The following ORC4 variants were observed in gnomAD, a reference collection of about 807,000 sequenced individuals.
ORC4 encodes the protein origin recognition complex, subunit 4 homolog.
Under a neutral mutation model 63.9 loss-of-function variants are expected in ORC4, and 55 were observed. That is an observed-to-expected ratio of 0.86 (90% CI 0.69 to 1.08). The LOEUF (loss-of-function observed/expected upper bound fraction) is 1.08. Among genes scored for constraint, ORC4 ranks in the 50% least tolerant of loss-of-function variants. ORC4 has a pLI of 0.00. For synonymous variants in ORC4, 150 were observed against 168.5 expected, an observed-to-expected ratio of 0.89 and a Z score of 0.85; for missense variants, 511 against 504.4, an observed-to-expected ratio of 1.01 and a Z score of -0.13.
chr2:147,964,502 GAAAAGGTGAGA>G (rs903674136), intron 4 of ORC4, among the ~76,000 whole-genome samples: 36 of 152,192 alleles, frequency 2.4e-4, no homozygotes, highest in Admixed American at 3.9e-4. Flanking sequence ...AGAAAAGAAG[GAAAAGGTGAGA>G]AAAACATATT....
intron 4 of ORC4, among the ~76,000 whole-genome samples, chr2:147,964,161 T>C (rs1558846676): frequency 6.6e-6 from 1 of 151,912 alleles, no homozygotes. Flanking sequence ...AAAATAATAA[T>C]CTTGACAACA....
At chr2:147,960,203 G>A in intron 4 of ORC4, 1 of 954,370 alleles carries the variant, frequency 1.0e-6, no homozygotes, top group Non-Finnish European at 1.2e-6. Context: ...CATAAGGAGA[G>A]TTGTAACAGA....
At chr2:148,017,434 G>T (rs1335358202) in intron 1 of ORC4, among the ~76,000 whole-genome samples, 1 of 152,218 alleles carries the variant, frequency 6.6e-6, no homozygotes, top group African/African-American at 2.4e-5. Flanking sequence ...CACTTTGGAA[G>T]CCCAAGGTGG....
At chr2:147,943,349 G>A (rs761259004) in intron 10 of ORC4, 87 bp downstream of exon 10, 16 of 865,984 alleles carry the variant, frequency 1.8e-5, no homozygotes, top group African/African-American at 1.5e-4. Flanking sequence ...CCAGGAGTTC[G>A]CAACCAGTCT....
chr2:147,994,046 C>A (rs1220762263), intron 1 of ORC4, among the ~76,000 whole-genome samples: 2 of 152,116 alleles, frequency 1.3e-5, no homozygotes, highest in African/African-American at 4.8e-5. Context: ...TTGTCAACTT[C>A]CTTCCTATGT....
chr2:147,961,844 T>A (rs547215051), intron 4 of ORC4, among the ~76,000 whole-genome samples: 1 of 152,194 alleles, frequency 6.6e-6, no homozygotes. Flanking sequence ...TTTCAGTACA[T>A]TGATTAAACC....
intron 1 of ORC4, among the ~76,000 whole-genome samples, chr2:147,995,025 C>A (rs1312046443): frequency 6.6e-6 from 1 of 152,070 alleles, no homozygotes; most frequent in Non-Finnish European, 1.5e-5. Flanking sequence ...AATAAAAAAA[C>A]GCACCACTCA....
At chr2:148,019,325 C>T (rs1693521844) in intron 1 of ORC4, among the ~76,000 whole-genome samples, 1 of 152,224 alleles carries the variant, frequency 6.6e-6, no homozygotes, top group Non-Finnish European at 1.5e-5. Context: ...CGCGGTGGCT[C>T]ACGCCTGTAA....
chr2:147,969,953 T>TA (rs575190067), intron 4 of ORC4, among the ~76,000 whole-genome samples: 2 of 151,722 alleles, frequency 1.3e-5, no homozygotes, highest in Admixed American at 1.3e-4. Flanking sequence ...ACTGTCTAAG[T>TA]AAAAAAATCT....
At chr2:148,013,752 T>A (rs555917214) in intron 1 of ORC4, among the ~76,000 whole-genome samples, 1 of 152,234 alleles carries the variant, frequency 6.6e-6, no homozygotes, top group Admixed American at 6.5e-5. Flanking sequence ...GTTAAAAAAA[T>A]TTTGGCTCAA....
chr2:148,000,655 C>T lies in ORC4; in HGVS notation c.-18+19978G>A, dbSNP rs1692244793. Among the ~76,000 whole-genome samples, 2 of 152,116 alleles carry T rather than the reference C, an allele frequency of 1.3e-5. 1 individual carries two copies. The highest frequency in any genetic ancestry group is 4.1e-4 in the South Asian group (2 of 4,832). On this transcript the variant is annotated intron_variant, in intron 1 of 13. Coordinates refer to ENST00000392857, the MANE Select transcript of ORC4 (RefSeq NM_181741.4). The stretch of plus-strand genomic sequence containing the variant: ...GAGACTGCACCAGCAGCAACTATAT[C>T]AAGCAATGGGCTAAAACTGCAGCAC...
chr2:147,945,387 C>T (rs1688602545), intron 9 of ORC4, among the ~76,000 whole-genome samples: 1 of 151,992 alleles, frequency 6.6e-6, no homozygotes, highest in Admixed American at 6.6e-5. Flanking sequence ...TTTAAAATGC[C>T]TACCTTATCT....
At chr2:147,956,214 T>C (rs1361673690) in intron 6 of ORC4, among the ~76,000 whole-genome samples, 1 of 152,078 alleles carries the variant, frequency 6.6e-6, no homozygotes, top group Admixed American at 6.6e-5. Flanking sequence ...TTGAGAGATC[T>C]AACATAAAAA....
chr2:147,961,119 T>C (rs537851100), intron 4 of ORC4, among the ~76,000 whole-genome samples: 1 of 152,116 alleles, frequency 6.6e-6, no homozygotes, highest in African/African-American at 2.4e-5. Flanking sequence ...ACTACAGTCT[T>C]ATGTTTTAAA....
intron 1 of ORC4, among the ~76,000 whole-genome samples, chr2:147,991,050 C>CT (rs34841947): frequency 0.26 from 34,182 of 133,972 alleles, 4,773 homozygotes; most frequent in African/African-American, 0.35. Context: ...ACATATATAT[C>CT]TTTTTTTTTT....
At position 147,972,762 on chromosome 2, in the gene ORC4, G is replaced by T. The variant is rs766148321; in HGVS notation, c.202C>A (p.Pro68Thr). 10 of 1,609,302 alleles carry T rather than the reference G, an allele frequency of 6.2e-6. 1 individual carries two copies. The South Asian group carries it at 8.8e-5, about 14-fold the overall frequency. Residue 68 changes from proline (P) to threonine (T), a missense_variant, in exon 4 of 14, where the codon CCC becomes ACC. Pro to Thr is a conservative substitution (Grantham distance 38). Transcript: ENST00000392857. ...ACCATAGTTTTTCCTGATCCTCGGGGTCCGATAATAAGGACAGAGTTACTC... is the reference window on the plus strand; with the variant it reads ...ACCATAGTTTTTCCTGATCCTCGGGTTCCGATAATAAGGACAGAGTTACTC... ...GESNSVLIIG[P>T]RGSGKTMLIN...
intron 1 of ORC4, among the ~76,000 whole-genome samples, chr2:148,011,015 G>C (rs984748234): frequency 2.6e-5 from 4 of 151,932 alleles, no homozygotes; most frequent in Non-Finnish European, 5.9e-5. Flanking sequence ...TTTTTGTAGA[G>C]ATGGGGTTTC....
intron 1 of ORC4, among the ~76,000 whole-genome samples, chr2:148,004,848 A>T (rs1414089143): frequency 1.3e-5 from 2 of 152,232 alleles, no homozygotes; most frequent in Non-Finnish European, 2.9e-5. Flanking sequence ...AATCAAAACC[A>T]CAATGAGATA....
intron 4 of ORC4, among the ~76,000 whole-genome samples, chr2:147,963,309 T>C (rs1429161771): frequency 6.6e-6 from 1 of 152,062 alleles, no homozygotes; most frequent in African/African-American, 2.4e-5. Context: ...CTGCTCCTAC[T>C]TCCCAGGTCT....
Sources: gnomAD v4.1 joint callset for allele counts (sites outside exome capture counted in the v4.1 genomes callset) on GRCh38, gnomAD v4.1.1 for gene constraint, MANE v1.5 for transcripts, NCBI Gene and HGNC (gene_info 2026-07-23, HGNC 2026-07-21) for gene names.